Variants in SPATS2L observed in about 807,000 individuals in gnomAD.
The protein encoded by SPATS2L is spermatogenesis associated serine rich 2 like, also known as SPATS2-like protein.
A neutral mutation model predicts 59.6 loss-of-function variants in SPATS2L; 30 were observed. The observed-to-expected ratio is 0.50, with a 90% CI of 0.38 to 0.68. The LOEUF is 0.68. Among genes scored for constraint, SPATS2L ranks in the 30% least tolerant of loss-of-function variants. SPATS2L has a pLI of 0.00. For synonymous variants in SPATS2L, 252 were observed against 263.5 expected, an observed-to-expected ratio of 0.96 and a Z score of 0.42; for missense variants, 615 against 700.0, an observed-to-expected ratio of 0.88 and a Z score of 1.37.
intron 1 of SPATS2L, among the ~76,000 whole-genome samples, chr2:200,328,493 G>A (rs1479060386): frequency 1.3e-5 from 2 of 152,148 alleles, no homozygotes; most frequent in African/African-American, 4.8e-5. Context: ...TAAAGATTAA[G>A]CCCAGAGAGG....
rs2079783906 is a variant in SPATS2L at position 200,327,291 on chromosome 2, CT to C, written c.-72-2139del. Among the ~76,000 whole-genome samples the C allele has an allele frequency of 1.1e-4, 17 of 152,074 alleles. 1 individual carries two copies. In the South Asian group the frequency reaches 3.5e-3, roughly 32 times the overall value. On this transcript the variant is annotated intron_variant, in intron 1 of 12. Coordinates refer to ENST00000409140, the MANE Select transcript of SPATS2L (RefSeq NM_001100423.2). ...TGGTGGCATGCACCTGTAATCCCAG[CT>C]ACTTGAGAGGCCAAGGCAGGAGAAT... is the stretch of plus-strand genomic sequence containing the variant.
At chr2:200,400,722 A>G (rs2082499478) in intron 3 of SPATS2L, among the ~76,000 whole-genome samples, 2 of 152,218 alleles carry the variant, frequency 1.3e-5, no homozygotes, top group South Asian at 2.1e-4. Context: ...CTCTTACTCT[A>G]TAAGTCATCA....
chr2:200,412,682 A>C (rs1263858399), intron 4 of SPATS2L, among the ~76,000 whole-genome samples: 1 of 152,048 alleles, frequency 6.6e-6, no homozygotes, highest in African/African-American at 2.4e-5. Context: ...AAGGAAAAAA[A>C]GACTCTAGAT....
intron 2 of SPATS2L, among the ~76,000 whole-genome samples, chr2:200,338,452 A>G (rs1417122242): frequency 1.3e-5 from 2 of 152,294 alleles, no homozygotes; most frequent in Non-Finnish European, 2.9e-5. Context: ...AATAAACCCA[A>G]TAGTTCAGCA....
intron 5 of SPATS2L, among the ~76,000 whole-genome samples, chr2:200,418,581 TAATAAATA>T (rs146482107): frequency 0.35 from 51,369 of 145,244 alleles, 9,232 homozygotes; most frequent in East Asian, 0.55. Context: ...CCTTATTAAA[TAATAAATA>T]AATAAATAAA....
intron 2 of SPATS2L, 92 bp downstream of exon 2, chr2:200,329,572 T>A (rs149557087): frequency 0.025 from 29,432 of 1,170,918 alleles, 554 homozygotes; most frequent in Non-Finnish European, 0.028. Flanking sequence ...GGGAGCCTTG[T>A]CACAGCCTTT....
intron 3 of SPATS2L, among the ~76,000 whole-genome samples, chr2:200,401,704 AT>A (rs34171148): frequency 0.024 from 3,669 of 150,148 alleles, 141 homozygotes; most frequent in African/African-American, 0.083. Context: ...TCCCTGGGAA[AT>A]TTTTTTTTTA....
At position 200,379,699 on chromosome 2, in the gene SPATS2L, G is replaced by T. The variant is rs190091471; in HGVS notation, c.-22-9524G>T. 2.0e-4 allele frequency among the ~76,000 whole-genome samples: 30 copies of T among 152,244 alleles called. No individual in the cohort carries two copies. In the East Asian group the frequency reaches 5.4e-3, roughly 27 times the overall value. On this transcript the variant is annotated intron_variant, in intron 2 of 12. Transcript: ENST00000409140. ...TTTGCCAGCGGGTGGTGGGGGGGAT[G>T]GGGGAGGAAAGCAGTGTGATCTGCA...
intron 9 of SPATS2L, among the ~76,000 whole-genome samples, chr2:200,464,490 G>A (rs6435051): frequency 0.78 from 118,240 of 152,080 alleles, 48,985 homozygotes; most frequent in Non-Finnish European, 0.92. Flanking sequence ...CCCAAGTTCT[G>A]CTTAATCAAA....
At chr2:200,320,496 A>G (rs1262130171) in intron 1 of SPATS2L, among the ~76,000 whole-genome samples, 1 of 152,188 alleles carries the variant, frequency 6.6e-6, no homozygotes, top group Admixed American at 6.5e-5. Context: ...GTGACAGGAA[A>G]TTACTCCATA....
intron 6 of SPATS2L, among the ~76,000 whole-genome samples, chr2:200,424,297 G>A (rs1294632854): frequency 6.6e-6 from 1 of 151,204 alleles, no homozygotes; most frequent in Non-Finnish European, 1.5e-5. Flanking sequence ...GACCAGCCTG[G>A]GCAACATAGC....
intron 1 of SPATS2L, among the ~76,000 whole-genome samples, chr2:200,322,390 T>G (rs1011580917): frequency 1.3e-5 from 2 of 152,228 alleles, no homozygotes; most frequent in Non-Finnish European, 2.9e-5. Flanking sequence ...GTCAAAGGAA[T>G]TGTATGTTTC....
At chr2:200,451,939 T>C (rs2085482991) in intron 8 of SPATS2L, among the ~76,000 whole-genome samples, 1 of 152,128 alleles carries the variant, frequency 6.6e-6, no homozygotes. Context: ...TTGAAATTTG[T>C]TTCATTTTAT....
At chr2:200,410,025 T>C (rs1017559023) in intron 3 of SPATS2L, among the ~76,000 whole-genome samples, 2 of 152,148 alleles carry the variant, frequency 1.3e-5, no homozygotes, top group African/African-American at 4.8e-5. Flanking sequence ...TATTCCATAA[T>C]TCTGGGTCTT....
intron 6 of SPATS2L, among the ~76,000 whole-genome samples, chr2:200,432,049 G>T (rs1233345831): frequency 6.6e-6 from 1 of 152,110 alleles, no homozygotes; most frequent in Non-Finnish European, 1.5e-5. Context: ...AGCATATCAA[G>T]AACTTTTCAA....
chr2:200,400,596 T>G (rs989951341), intron 3 of SPATS2L, among the ~76,000 whole-genome samples: 1 of 152,224 alleles, frequency 6.6e-6, no homozygotes, highest in Admixed American at 6.5e-5. Flanking sequence ...TTTAAAATAC[T>G]TTAGTTCATT....
At chr2:200,423,852 G>T (rs1191367341) in intron 6 of SPATS2L, among the ~76,000 whole-genome samples, 1 of 152,178 alleles carries the variant, frequency 6.6e-6, no homozygotes. Context: ...TTGACATTCA[G>T]GATCTCTCTT....
At position 200,400,895 on chromosome 2, in the gene SPATS2L, A is replaced by G. The variant is rs540277111; in HGVS notation, c.40-11416A>G. On this transcript the variant is annotated intron_variant, in intron 3 of 12. Coordinates refer to ENST00000409140, the MANE Select transcript of SPATS2L (RefSeq NM_001100423.2). The stretch of plus-strand genomic sequence containing the variant: ...AAAAGAAATCTGGGTTGTTGATTTC[A>G]TTATCTTTAACTATTTGAAGCCAAC... Among the ~76,000 whole-genome samples the G allele has an allele frequency of 2.6e-5, 4 of 152,346 alleles. No individual in the cohort carries two copies. In the East Asian group the frequency reaches 5.8e-4, roughly 22 times the overall value.
At chr2:200,445,529 C>T (rs1452001591) in intron 8 of SPATS2L, among the ~76,000 whole-genome samples, 1 of 152,176 alleles carries the variant, frequency 6.6e-6, no homozygotes, top group African/African-American at 2.4e-5. Flanking sequence ...ATATTGTGCA[C>T]TTTTCCTAGG....
Sources: allele counts gnomAD v4.1 joint callset (sites outside exome capture counted in the v4.1 genomes callset), GRCh38; gene constraint gnomAD v4.1.1; transcripts MANE v1.5; gene names NCBI Gene and HGNC (gene_info 2026-07-23, HGNC 2026-07-21).